NRXN3: variants seen among roughly 807,000 people sequenced by gnomAD.
NRXN3 encodes neurexin III.
Under a neutral mutation model 137.6 loss-of-function variants are expected in NRXN3, and 32 were observed. That is an observed-to-expected ratio of 0.23 (90% confidence interval 0.18 to 0.31). The LOEUF is 0.31. Ranked by LOEUF, NRXN3 falls within the 10% of genes least tolerant of loss-of-function variation. The probability of loss-of-function intolerance (pLI) is 1.00; values close to 1 mark genes in which losing one functional copy is unlikely to be tolerated. For missense variants in NRXN3, 1,574 were observed against 2,062.5 expected, an observed-to-expected ratio of 0.76 and a Z score of 4.59; for synonymous variants, 798 against 784.5, an observed-to-expected ratio of 1.02 and a Z score of -0.29.
intron 4 of NRXN3, among the ~76,000 whole-genome samples, chr14:78,377,019 CAG>C (rs2153626452): frequency 6.6e-6 from 1 of 151,952 alleles, no homozygotes; most frequent in Admixed American, 6.6e-5. Context: ...AAAAAGAAAA[CAG>C]AAATAAAGAA....
chr14:79,772,415 G>T (rs1272874252), intron 19 of NRXN3, among the ~76,000 whole-genome samples: 1 of 152,066 alleles, frequency 6.6e-6, no homozygotes. Context: ...CATGGTACTG[G>T]TACCAAAACA....
intron 4 of NRXN3, among the ~76,000 whole-genome samples, chr14:78,309,303 T>A (rs977884609): frequency 6.6e-6 from 1 of 151,922 alleles, no homozygotes; most frequent in African/African-American, 2.4e-5. Flanking sequence ...TTTTTTTTTT[T>A]AACTTTTTCT....
At chr14:79,607,077 C>T (rs2098030033) in intron 16 of NRXN3, among the ~76,000 whole-genome samples, 1 of 152,164 alleles carries the variant, frequency 6.6e-6, no homozygotes, top group African/African-American at 2.4e-5. Context: ...TTTGTGTGCA[C>T]TTGTGGGTAT....
At chr14:79,484,239 T>C (rs2153644152) in intron 16 of NRXN3, among the ~76,000 whole-genome samples, 1 of 152,150 alleles carries the variant, frequency 6.6e-6, no homozygotes, top group East Asian at 1.9e-4. Flanking sequence ...CTTTCTTCTC[T>C]CTTTTGGATG....
chr14:78,631,504 A>G (rs778936360), intron 4 of NRXN3, among the ~76,000 whole-genome samples: 6 of 152,224 alleles, frequency 3.9e-5, no homozygotes, highest in Non-Finnish European at 7.3e-5. Context: ...GGTATTTCTG[A>G]AGAGGTTTAG....
chr14:79,390,049 G>A (rs1228118777), intron 15 of NRXN3, among the ~76,000 whole-genome samples: 2 of 152,152 alleles, frequency 1.3e-5, no homozygotes, highest in Non-Finnish European at 2.9e-5. Context: ...CAGGAGCGGT[G>A]GCTCACGCCT....
intron 16 of NRXN3, among the ~76,000 whole-genome samples, chr14:79,518,820 CTGGCTTTTGCAAACATATACATCCCTA>C (rs1483841551): frequency 6.6e-6 from 1 of 152,104 alleles, no homozygotes; most frequent in East Asian, 1.9e-4. Flanking sequence ...CATTATGAGC[CTGGCTTTTGCAAACATATACATCCCTA>C]TGGTTTCTTA....
intron 15 of NRXN3, among the ~76,000 whole-genome samples, chr14:79,407,167 C>CA (rs2095330222): frequency 6.6e-6 from 1 of 151,908 alleles, no homozygotes; most frequent in African/African-American, 2.4e-5. Context: ...AATCCAGACA[C>CA]AAAAAAAGGT....
chr14:78,364,019 G>A (rs2085522211), intron 4 of NRXN3, among the ~76,000 whole-genome samples: 1 of 152,194 alleles, frequency 6.6e-6, no homozygotes, highest in South Asian at 2.1e-4. Context: ...CTTCACCAAA[G>A]GGATAGTCAG....
intron 16 of NRXN3, among the ~76,000 whole-genome samples, chr14:79,566,129 C>A (rs902603076): frequency 6.6e-6 from 1 of 152,074 alleles, no homozygotes; most frequent in Admixed American, 6.6e-5. Context: ...TCTAACAAGA[C>A]CCAGGGAAGA....
intron 4 of NRXN3, among the ~76,000 whole-genome samples, chr14:78,496,566 A>T (rs375570118): frequency 8.5e-5 from 13 of 152,290 alleles, no homozygotes; most frequent in African/African-American, 3.1e-4. Flanking sequence ...ACAAAAAGAG[A>T]GGAAAAAATA....
At chr14:79,081,021 C>T (rs1412050564) in intron 15 of NRXN3, among the ~76,000 whole-genome samples, 1 of 152,130 alleles carries the variant, frequency 6.6e-6, no homozygotes, top group Non-Finnish European at 1.5e-5. Flanking sequence ...ATCCCCTAAG[C>T]AAAAGCATAA....
intron 4 of NRXN3, among the ~76,000 whole-genome samples, chr14:78,449,153 C>T (rs1261813274): frequency 6.6e-6 from 1 of 152,218 alleles, no homozygotes. Flanking sequence ...CAGCACCTCT[C>T]TCTGTGTCTT....
intron 20 of NRXN3, among the ~76,000 whole-genome samples, chr14:79,847,744 C>A (rs752153565): frequency 4.5e-4 from 68 of 152,068 alleles, no homozygotes; most frequent in Non-Finnish European, 7.6e-4. Flanking sequence ...ATCTGACAGA[C>A]CTTAGAATTG....
At chr14:79,657,456 G>A (rs1326502537) in intron 16 of NRXN3, among the ~76,000 whole-genome samples, 1 of 152,158 alleles carries the variant, frequency 6.6e-6, no homozygotes, top group Non-Finnish European at 1.5e-5. Flanking sequence ...GTCAGTTTGG[G>A]TGATTTCTGA....
At chr14:79,452,313 A>C (rs2096187550) in intron 15 of NRXN3, among the ~76,000 whole-genome samples, 1 of 152,180 alleles carries the variant, frequency 6.6e-6, no homozygotes, top group Admixed American at 6.5e-5. Context: ...ATTTTTCCAT[A>C]AAATTGCATT....
intron 15 of NRXN3, among the ~76,000 whole-genome samples, chr14:79,345,277 A>G (rs1714724272): frequency 6.6e-6 from 1 of 152,184 alleles, no homozygotes; most frequent in South Asian, 2.1e-4. Flanking sequence ...AAATTCAGAT[A>G]CAAAAGCCAT....
intron 20 of NRXN3, among the ~76,000 whole-genome samples, chr14:79,848,698 T>C (rs4522356): frequency 0.76 from 115,739 of 152,040 alleles, 44,332 homozygotes; most frequent in East Asian, 0.91. Context: ...CTCCTGACTT[T>C]ATTTCTCCAG....
At chr14:78,599,909 C>T in intron 4 of NRXN3, among the ~76,000 whole-genome samples, 1 of 152,142 alleles carries the variant, frequency 6.6e-6, no homozygotes, top group East Asian at 1.9e-4. Context: ...TCATTATAGG[C>T]TGGGCCAGGT....
Sources: allele counts gnomAD v4.1 joint callset (sites outside exome capture counted in the v4.1 genomes callset), GRCh38; gene constraint gnomAD v4.1.1; transcripts MANE v1.5; gene names NCBI Gene and HGNC (gene_info 2026-07-23, HGNC 2026-07-21).